ADAMTSL3: variants seen among roughly 807,000 people sequenced by gnomAD.
ADAMTSL3 encodes ADAMTS-like protein 3.
Under a neutral mutation model 201.7 loss-of-function variants are expected in ADAMTSL3, and 128 were observed. That is an observed-to-expected ratio of 0.63 (90% CI 0.55 to 0.73). The LOEUF is 0.73. ADAMTSL3 is among the 30% of genes least tolerant of loss of function. The pLI, the probability that ADAMTSL3 is intolerant of heterozygous loss-of-function variation, is 0.00. For synonymous variants in ADAMTSL3, 738 were observed against 748.4 expected, an observed-to-expected ratio of 0.99 and a Z score of 0.23; for missense variants, 1,990 against 2,119.6, an observed-to-expected ratio of 0.94 and a Z score of 1.20.
chr15:83,994,636 GC>G, intron 23 of ADAMTSL3, among the ~76,000 whole-genome samples: 1 of 102,254 alleles, frequency 9.8e-6, no homozygotes, highest in East Asian at 3.5e-4. Context: ...TCACTCTGTT[GC>G]CCAGGTTGGA....
chr15:83,925,480 C>A (rs912262378), intron 17 of ADAMTSL3, among the ~76,000 whole-genome samples: 3 of 152,202 alleles, frequency 2.0e-5, no homozygotes, highest in African/African-American at 7.2e-5. Context: ...AATCTGTTTC[C>A]CTGCCACCTC....
At chr15:83,662,973 TG>T (rs1484278303) in intron 2 of ADAMTSL3, among the ~76,000 whole-genome samples, 5 of 152,188 alleles carry the variant, frequency 3.3e-5, no homozygotes, top group Non-Finnish European at 7.4e-5. Context: ...GGACACTTCC[TG>T]CAGCAGGTAG....
intron 7 of ADAMTSL3, among the ~76,000 whole-genome samples, chr15:83,856,993 AT>A (rs369677798): frequency 3.3e-5 from 5 of 151,258 alleles, no homozygotes; most frequent in African/African-American, 9.7e-5. Flanking sequence ...TTGTTTTGTT[AT>A]TTTTTTTGTG....
In ADAMTSL3 at chr15:83,834,142, A is replaced by G. The variant is rs117353655; in HGVS notation, c.601-3947A>G. 1.8e-3 allele frequency among the ~76,000 whole-genome samples: 281 copies of G among 152,314 alleles called. 9 individuals are homozygous for G. The East Asian group carries it at 0.048, about 26-fold the overall frequency. On this transcript the variant is annotated intron_variant, in intron 6 of 29. Transcript: ENST00000286744. ...GGTTGACAGGAGCCTCAGCTCTTAG[A>G]ACGTCTCGGAGACTCAGGCTTTATT...
chr15:83,829,910 G>C (rs2064117699), intron 6 of ADAMTSL3, among the ~76,000 whole-genome samples: 3 of 152,138 alleles, frequency 2.0e-5, no homozygotes. Flanking sequence ...TATCATTTCT[G>C]TTCTTTTACA....
intron 2 of ADAMTSL3, among the ~76,000 whole-genome samples, chr15:83,689,319 CTTCTTGTATGACTT>C (rs1311734755): frequency 1.3e-5 from 2 of 152,146 alleles, no homozygotes; most frequent in African/African-American, 4.8e-5. Flanking sequence ...ACCTGTGAAG[CTTCTTGTATGACTT>C]TTCCTTACTC....
chr15:83,702,127 C>T (rs1010926926), intron 2 of ADAMTSL3, among the ~76,000 whole-genome samples: 1 of 152,084 alleles, frequency 6.6e-6, no homozygotes, highest in African/African-American at 2.4e-5. Flanking sequence ...GGCATTTTGC[C>T]CCTGCCCTAG....
At chr15:83,954,522 T>C (rs1007255806) in intron 19 of ADAMTSL3, among the ~76,000 whole-genome samples, 2 of 152,252 alleles carry the variant, frequency 1.3e-5, no homozygotes, top group Non-Finnish European at 1.5e-5. Flanking sequence ...GATTGGTCCC[T>C]GGTGCCTGAT....
At chr15:83,902,276 T>C (rs1210055403) in intron 15 of ADAMTSL3, among the ~76,000 whole-genome samples, 4 of 152,112 alleles carry the variant, frequency 2.6e-5, no homozygotes, top group Non-Finnish European at 5.9e-5. Flanking sequence ...AGTCTAATTC[T>C]TTTTGTTTTG....
At chr15:83,707,268 C>T (rs2061866298) in intron 3 of ADAMTSL3, among the ~76,000 whole-genome samples, 1 of 152,286 alleles carries the variant, frequency 6.6e-6, no homozygotes, top group South Asian at 2.1e-4. Flanking sequence ...GGCGTTAATT[C>T]ATGTCTCCCT....
At chr15:83,964,665 AC>A (rs1210907104) in intron 19 of ADAMTSL3, among the ~76,000 whole-genome samples, 1 of 152,184 alleles carries the variant, frequency 6.6e-6, no homozygotes, top group Non-Finnish European at 1.5e-5. Context: ...TTCAGGAAAT[AC>A]AGAGAATACC....
In ADAMTSL3 at chr15:83,715,969, G is replaced by A. The variant is rs141150901; in HGVS notation, c.189+11461G>A. Among the ~76,000 whole-genome samples, 496 of 152,284 alleles carry A rather than the reference G, an allele frequency of 3.3e-3. 4 individuals are homozygous for A. Among genetic ancestry groups the A allele is most frequent in the African/African-American group, 0.011 (465 of 41,540 alleles). On this transcript the variant is annotated intron_variant, in intron 3 of 29. Coordinates refer to ENST00000286744, the MANE Select transcript of ADAMTSL3 (RefSeq NM_207517.3). ...TCAGTGAAGTCCTCAGCCTAACAGC[G>A]TTTCTTCCTGCTCTTTGAAATAGTC...
At chr15:83,747,289 C>T (rs938316533) in intron 3 of ADAMTSL3, among the ~76,000 whole-genome samples, 9 of 152,194 alleles carry the variant, frequency 5.9e-5, no homozygotes, top group Non-Finnish European at 1.3e-4. Context: ...TTTTGCTTTC[C>T]TCTGCTGCTC....
chr15:84,031,734 A>G (rs57218279), intron 28 of ADAMTSL3, among the ~76,000 whole-genome samples: 6,391 of 152,292 alleles, frequency 0.042, 450 homozygotes, highest in African/African-American at 0.15. Flanking sequence ...CTATATACTA[A>G]GTTAATCAAG....
At chr15:83,840,909 T>C (rs1440494618) in intron 7 of ADAMTSL3, among the ~76,000 whole-genome samples, 1 of 152,238 alleles carries the variant, frequency 6.6e-6, no homozygotes, top group Admixed American at 6.5e-5. Flanking sequence ...CCAGGCACCT[T>C]TCTCTCTTCT....
intron 5 of ADAMTSL3, among the ~76,000 whole-genome samples, chr15:83,814,010 G>A (rs2063735196): frequency 6.6e-6 from 1 of 152,152 alleles, no homozygotes; most frequent in Non-Finnish European, 1.5e-5. Context: ...TCATAATTTG[G>A]TAAGGATGTT....
At position 84,014,737 on chromosome 15, in the gene ADAMTSL3, T is replaced by C. The variant is rs1397132357; in HGVS notation, c.4156+13T>C. The C allele has an allele frequency of 6.2e-7, 1 of 1,600,576 alleles. No homozygotes were observed. The highest frequency in any genetic ancestry group is 8.5e-7 in the Non-Finnish European group (1 of 1,173,954). On this transcript the variant is annotated intron_variant, in intron 24 of 29. Coordinates refer to ENST00000286744, the MANE Select transcript of ADAMTSL3 (RefSeq NM_207517.3). ...CTCCACTTGCTGGGTAAGTGTCAAATTCTTATTGCTCCTTAAGTGCCTCCT... is the reference window on the plus strand; with the variant it reads ...CTCCACTTGCTGGGTAAGTGTCAAACTCTTATTGCTCCTTAAGTGCCTCCT...
At chr15:83,698,844 C>G (rs952165434) in intron 2 of ADAMTSL3, among the ~76,000 whole-genome samples, 1 of 151,978 alleles carries the variant, frequency 6.6e-6, no homozygotes, top group Non-Finnish European at 1.5e-5. Context: ...ACTTCTCTGG[C>G]CTCATCTTCC....
intron 3 of ADAMTSL3, among the ~76,000 whole-genome samples, chr15:83,730,514 T>G (rs910032371): frequency 6.6e-6 from 1 of 152,080 alleles, no homozygotes; most frequent in Non-Finnish European, 1.5e-5. Context: ...GGAGGTCAGA[T>G]GCTGGAATGG....
Sources: gnomAD v4.1 joint callset for allele counts (sites outside exome capture counted in the v4.1 genomes callset) on GRCh38, gnomAD v4.1.1 for gene constraint, MANE v1.5 for transcripts, NCBI Gene and HGNC (gene_info 2026-07-23, HGNC 2026-07-21) for gene names.